Variants in NBN observed in about 807,000 individuals in gnomAD.
The protein encoded by NBN is Nijmegen breakage syndrome 1 (nibrin).
In NBN, 88 loss-of-function variants were observed where a neutral mutation model predicts 90.8. That is an observed-to-expected ratio of 0.97 (90% CI 0.82 to 1.16). NBN has a LOEUF of 1.16. Ranked by LOEUF, NBN falls within the 50% of genes most tolerant of loss-of-function variation. NBN has a pLI of 0.00. For synonymous variants in NBN, 328 were observed against 295.1 expected (o/e 1.11, Z -1.14); for missense variants, 894 against 869.6 (o/e 1.03, Z -0.35).
chr8:89,952,358 T>A (rs1404715533), intron 11 of NBN, among the ~76,000 whole-genome samples: 1 of 152,168 alleles, frequency 6.6e-6, no homozygotes, highest in Non-Finnish European at 1.5e-5. Flanking sequence ...CTGACTCCAA[T>A]GCAGCTGGTC....
Position 89,953,405 on chromosome 8 carries a change from C to T in NBN, c.1684G>A (p.Val562Ile), listed in dbSNP as rs754651655. ...GTGTCCTTGAATAACTGTTCCAATA[C>T]TTCATCTTCTATGGCCACATCATCC... The part of the protein sequence containing the change: ...EMDDVAIEDE[V>I]LEQLFKDTKP... The change falls in exon 11 of 16, where the codon GTA becomes ATA. Residue 562 changes from valine to isoleucine, a missense_variant. Val to Ile is a conservative substitution (Grantham distance 29). Transcript: ENST00000265433. 3.7e-6 allele frequency: 6 copies of T among 1,613,672 alleles called. No individual in the cohort carries two copies. In the African/African-American group the frequency reaches 4.0e-5, roughly 11 times the overall value.
intron 14 of NBN, chr8:89,937,331 C>T: frequency 2.1e-6 from 1 of 484,918 alleles, no homozygotes; most frequent in Non-Finnish European, 3.7e-6. Flanking sequence ...TAGTATATTG[C>T]TAGCTTGCTG....
chr8:89,976,950 G>A (rs751770873), intron 5 of NBN, among the ~76,000 whole-genome samples: 13 of 152,016 alleles, frequency 8.6e-5, no homozygotes, highest in Non-Finnish European at 1.3e-4. Flanking sequence ...GCTGTTATCC[G>A]GTATAAACAG....
chr8:89,967,198 G>A (rs1470248463), intron 7 of NBN, among the ~76,000 whole-genome samples: 1 of 152,192 alleles, frequency 6.6e-6, no homozygotes, highest in African/African-American at 2.4e-5. Context: ...AGGTGAACTG[G>A]TGTGTCCAAA....
intron 9 of NBN, 131 bp from the exon 10 acceptor site, chr8:89,955,686 A>G: frequency 9.3e-7 from 1 of 1,072,318 alleles, no homozygotes; most frequent in Non-Finnish European, 1.3e-6. Context: ...AATACACTGA[A>G]TATATTTTAC....
chr8:89,949,395 G>A (rs1337722153), intron 11 of NBN, among the ~76,000 whole-genome samples: 1 of 152,092 alleles, frequency 6.6e-6, no homozygotes, highest in Non-Finnish European at 1.5e-5. Context: ...ACTGGGTATT[G>A]AAAAAATGCT....
At chr8:89,947,613 G>C (rs1012489105) in intron 12 of NBN, among the ~76,000 whole-genome samples, 1 of 151,998 alleles carries the variant, frequency 6.6e-6, no homozygotes, top group Admixed American at 6.6e-5. Flanking sequence ...TGGGCAACAA[G>C]AGCGAGATTC....
chr8:89,940,808 A>G (rs1809905876), intron 14 of NBN, among the ~76,000 whole-genome samples: 1 of 152,200 alleles, frequency 6.6e-6, no homozygotes, highest in Admixed American at 6.5e-5. Flanking sequence ...TAAAAGAACC[A>G]TAATAACAGC....
rs973922278 is a variant in NBN, at chr8:89,934,211, C to A, written c.*1371G>T. 5 of 231,366 alleles carry A rather than the reference C, an allele frequency of 2.2e-5. No homozygotes were observed. The highest frequency in any genetic ancestry group is 3.4e-5 in the Non-Finnish European group (4 of 117,004). 14.3% of individuals were successfully genotyped at this position (231,366 alleles called of 1,614,324 possible). ...TTAAGAGACTCAAATGACTCCATTTCATCAACTAATATGCCCTGTCAATTC... is the reference window on the plus strand; with the variant it reads ...TTAAGAGACTCAAATGACTCCATTTAATCAACTAATATGCCCTGTCAATTC... On this transcript the variant is annotated 3_prime_UTR_variant, in exon 16 of 16. Coordinates refer to ENST00000265433, the MANE Select transcript of NBN (RefSeq NM_002485.5).
chr8:89,940,319 C>A (rs1412042529), intron 14 of NBN, among the ~76,000 whole-genome samples: 1 of 151,946 alleles, frequency 6.6e-6, no homozygotes, highest in East Asian at 1.9e-4. Flanking sequence ...GAGACAGGGT[C>A]TCAAGATGTT....
Position 89,937,011 on chromosome 8 carries a change from T to A in NBN, c.2234+15A>T. On this transcript the variant is annotated intron_variant, in intron 15 of 15. Coordinates refer to ENST00000265433, the MANE Select transcript of NBN (RefSeq NM_002485.5). ...ATCTCTCAAAGGTACATGAGAAAGG[T>A]GAATCAAACTTTACCTAAAAAGATC... 1 of 1,592,138 alleles carries A rather than the reference T, an allele frequency of 6.3e-7. No homozygotes were observed. The highest frequency in any genetic ancestry group is 8.6e-7 in the Non-Finnish European group (1 of 1,161,198).
In NBN at chr8:89,954,703, G is replaced by A. The variant is rs373953234; in HGVS notation, c.1397+580C>T. 2.6e-5 allele frequency among the ~76,000 whole-genome samples: 4 copies of A among 152,042 alleles called. No homozygotes were observed. In the South Asian group the frequency reaches 6.2e-4, roughly 24 times the overall value. On this transcript the variant is annotated intron_variant, in intron 10 of 15. Coordinates refer to ENST00000265433, the MANE Select transcript of NBN (RefSeq NM_002485.5). ...TAAAGTCTCAAAACCTGAAGGTAGA[G>A]TATAAAGAGCAGTACGGGGAAGAAA...
At chr8:89,963,187 C>T (rs1160051109) in intron 8 of NBN, among the ~76,000 whole-genome samples, 3 of 152,022 alleles carry the variant, frequency 2.0e-5, no homozygotes, top group African/African-American at 2.4e-5. Flanking sequence ...GTCATTAGGC[C>T]GTAATGGCTA....
intron 14 of NBN, among the ~76,000 whole-genome samples, chr8:89,939,926 C>T (rs1331914565): frequency 6.6e-6 from 1 of 152,130 alleles, no homozygotes; most frequent in Non-Finnish European, 1.5e-5. Flanking sequence ...ACAGCTAGCC[C>T]AAGCTGCACA....
At chr8:89,984,120 T>A in intron 1 of NBN, 1 of 302,672 alleles carries the variant, frequency 3.3e-6, no homozygotes, top group South Asian at 4.2e-5. Context: ...TGTCCAGTAG[T>A]TCTTCACAAG....
intron 9 of NBN, among the ~76,000 whole-genome samples, chr8:89,957,582 C>CA: frequency 6.6e-6 from 1 of 152,176 alleles, no homozygotes; most frequent in East Asian, 1.9e-4. Flanking sequence ...ACTTACCACT[C>CA]ACTCATTGAC....
At chr8:89,961,230 G>A (rs1810978860) in intron 8 of NBN, among the ~76,000 whole-genome samples, 1 of 152,192 alleles carries the variant, frequency 6.6e-6, no homozygotes, top group South Asian at 2.1e-4. Flanking sequence ...AACAGTGGGT[G>A]ACAATATTTT....
At chr8:89,972,001 C>T (rs532537885) in intron 5 of NBN, among the ~76,000 whole-genome samples, 1 of 152,244 alleles carries the variant, frequency 6.6e-6, no homozygotes, top group South Asian at 2.1e-4. Flanking sequence ...ACCGGCATTT[C>T]GACTTGTCTC....
intron 6 of NBN, among the ~76,000 whole-genome samples, chr8:89,970,809 C>G (rs576816079): frequency 8.7e-4 from 132 of 152,250 alleles, no homozygotes; most frequent in African/African-American, 3.1e-3. Context: ...CTGCATTTCT[C>G]CACTACAACA....
Sources: gnomAD v4.1 joint callset for allele counts (sites outside exome capture counted in the v4.1 genomes callset) on GRCh38, gnomAD v4.1.1 for gene constraint, MANE v1.5 for transcripts, NCBI Gene and HGNC (gene_info 2026-07-23, HGNC 2026-07-21) for gene names.